Variants in PHACTR3 observed in about 807,000 individuals in gnomAD.
PHACTR3 encodes phosphatase and actin regulator 3, also known as protein phosphatase 1, regulatory subunit 123.
PHACTR3 carries 16 observed loss-of-function variants against 66.8 expected under a neutral mutation model. The ratio of observed to expected loss-of-function variants is 0.24; its 90% confidence interval spans 0.16 to 0.36. The LOEUF (loss-of-function observed/expected upper bound fraction) is 0.36. Among genes scored for constraint, PHACTR3 ranks in the 10% least tolerant of loss-of-function variants. The pLI, the probability that PHACTR3 is intolerant of heterozygous loss-of-function variation, is 1.00. For synonymous variants in PHACTR3, 323 were observed against 292.1 expected, an observed-to-expected ratio of 1.11 and a Z score of -1.08; for missense variants, 647 against 719.9, an observed-to-expected ratio of 0.90 and a Z score of 1.16.
At chr20:59,650,016 G>A (rs866625770) in intron 1 of PHACTR3, among the ~76,000 whole-genome samples, 1 of 152,078 alleles carries the variant, frequency 6.6e-6, no homozygotes, top group Non-Finnish European at 1.5e-5. Flanking sequence ...TAACTATAAA[G>A]AATGAAATAC....
At chr20:59,605,965 A>G (rs2033654955) in intron 1 of PHACTR3, among the ~76,000 whole-genome samples, 1 of 152,128 alleles carries the variant, frequency 6.6e-6, no homozygotes, top group South Asian at 2.1e-4. Flanking sequence ...CACAGGGAGA[A>G]GTCTGGGCTT....
At chr20:59,734,846 C>T (rs1042254014) in intron 1 of PHACTR3, among the ~76,000 whole-genome samples, 1 of 152,088 alleles carries the variant, frequency 6.6e-6, no homozygotes, top group Non-Finnish European at 1.5e-5. Context: ...CCTCTAATAC[C>T]CAACTCAATT....
chr20:59,680,404 G>A (rs943422771), intron 1 of PHACTR3, among the ~76,000 whole-genome samples: 1 of 152,132 alleles, frequency 6.6e-6, no homozygotes, highest in African/African-American at 2.4e-5. Context: ...TCCAGTGGTG[G>A]CAGGCTGGAC....
At chr20:59,756,967 C>A (rs568358567) in intron 4 of PHACTR3, among the ~76,000 whole-genome samples, 187 of 152,324 alleles carry the variant, frequency 1.2e-3, no homozygotes, top group African/African-American at 4.3e-3. Flanking sequence ...ACTCATCTGA[C>A]AAAGGGCTAA....
At chr20:59,726,371 T>C (rs1288738905) in intron 1 of PHACTR3, among the ~76,000 whole-genome samples, 1 of 152,150 alleles carries the variant, frequency 6.6e-6, no homozygotes, top group African/African-American at 2.4e-5. Context: ...CAATGGGAAG[T>C]GCTTTGCTCA....
At chr20:59,640,068 CA>C (rs2035048264) in intron 1 of PHACTR3, among the ~76,000 whole-genome samples, 1 of 152,166 alleles carries the variant, frequency 6.6e-6, no homozygotes, top group African/African-American at 2.4e-5. Flanking sequence ...TGCAACAGGA[CA>C]GTAGAGCATA....
chr20:59,605,266 G>C (rs1379642570), intron 1 of PHACTR3, 134 bp downstream of exon 1: 1 of 545,170 alleles, frequency 1.8e-6, no homozygotes, highest in African/African-American at 2.0e-5. Context: ...TCGGCCCCGC[G>C]GTTCCTATCC....
chr20:59,673,671 G>C (rs551247621), intron 1 of PHACTR3, among the ~76,000 whole-genome samples: 4 of 152,168 alleles, frequency 2.6e-5, no homozygotes, highest in Admixed American at 6.5e-5. Context: ...ACTTGTACCC[G>C]GGCTTGCTTG....
intron 7 of PHACTR3, among the ~76,000 whole-genome samples, chr20:59,786,359 A>C (rs2040914877): frequency 6.6e-6 from 1 of 152,128 alleles, no homozygotes; most frequent in South Asian, 2.1e-4. Flanking sequence ...TACTTTGAGA[A>C]CCTGACAACT....
intron 1 of PHACTR3, among the ~76,000 whole-genome samples, chr20:59,615,949 T>C (rs2034010272): frequency 6.6e-6 from 1 of 152,182 alleles, no homozygotes; most frequent in African/African-American, 2.4e-5. Flanking sequence ...TGTGGGCTCC[T>C]GGAGTCAGAA....
chr20:59,705,994 G>C (rs1201522914), intron 1 of PHACTR3, among the ~76,000 whole-genome samples: 1 of 152,204 alleles, frequency 6.6e-6, no homozygotes, highest in Non-Finnish European at 1.5e-5. Context: ...TGAGCAGAAA[G>C]AGCCCACACC....
At chr20:59,720,880 T>G (rs975562323) in intron 1 of PHACTR3, among the ~76,000 whole-genome samples, 1 of 152,230 alleles carries the variant, frequency 6.6e-6, no homozygotes. Flanking sequence ...GTTTGCTTTT[T>G]GTGGTGTCCT....
In PHACTR3 at chr20:59,604,877, C is replaced by CTTTTTTTTTTTTTTTTTT. The variant is rs11477768; in HGVS notation, c.-133_-116dup. ...TCTCCAGCTCGTTTCCTTTCCCGGCCTTTTTTTTTTTTTTTTTTTTTTAAT... is the reference window on the plus strand; with the variant it reads ...TCTCCAGCTCGTTTCCTTTCCCGGCCTTTTTTTTTTTTTTTTTTTTTTTTTTTTTTTTTTTTTTTTAAT... On this transcript the variant is annotated 5_prime_UTR_variant, in exon 1 of 13. Coordinates refer to ENST00000371015, the MANE Select transcript of PHACTR3 (RefSeq NM_080672.5). The CTTTTTTTTTTTTTTTTTT allele has an allele frequency of 8.2e-6, 8 of 978,804 alleles. No homozygotes were observed. The East Asian group carries it at 2.4e-4, about 30-fold the overall frequency. 60.6% of individuals were successfully genotyped at this position (978,804 alleles called of 1,614,324 possible).
intron 3 of PHACTR3, among the ~76,000 whole-genome samples, chr20:59,754,173 G>A (rs2039701096): frequency 6.6e-6 from 1 of 152,204 alleles, no homozygotes; most frequent in African/African-American, 2.4e-5. Context: ...CTGCAGTTGG[G>A]TAACTGAGCC....
intron 1 of PHACTR3, among the ~76,000 whole-genome samples, chr20:59,578,849 A>G (rs377559050): frequency 3.3e-5 from 5 of 152,324 alleles, no homozygotes; most frequent in South Asian, 4.1e-4. Flanking sequence ...AGCTCGTGGC[A>G]GAAGCTGAGC....
intron 1 of PHACTR3, among the ~76,000 whole-genome samples, chr20:59,627,775 T>C (rs2146382868): frequency 6.6e-6 from 1 of 152,342 alleles, no homozygotes; most frequent in African/African-American, 2.4e-5. Context: ...TATCTCTCTT[T>C]TTTATTTATC....
chr20:59,605,643 C>A (rs550700174), intron 1 of PHACTR3, among the ~76,000 whole-genome samples: 1 of 152,308 alleles, frequency 6.6e-6, no homozygotes, highest in South Asian at 2.1e-4. Flanking sequence ...CGCTAGCCCC[C>A]GGACAGGTGT....
intron 1 of PHACTR3, among the ~76,000 whole-genome samples, chr20:59,589,698 A>G (rs769276791): frequency 2.6e-5 from 4 of 152,234 alleles, no homozygotes; most frequent in Non-Finnish European, 5.9e-5. Context: ...TCCAGTAAAC[A>G]TAGGAAACGT....
intron 1 of PHACTR3, among the ~76,000 whole-genome samples, chr20:59,727,009 T>C (rs76162582): frequency 0.073 from 11,049 of 152,234 alleles, 626 homozygotes; most frequent in Non-Finnish European, 0.11. Flanking sequence ...TGCAGTCACA[T>C]TGTTGCAAAA....
Sources: gnomAD v4.1 joint callset for allele counts (sites outside exome capture counted in the v4.1 genomes callset) on GRCh38, gnomAD v4.1.1 for gene constraint, MANE v1.5 for transcripts, NCBI Gene and HGNC (gene_info 2026-07-23, HGNC 2026-07-21) for gene names.